The following SUN3 variants were observed in gnomAD, a reference collection of about 807,000 sequenced individuals.
SUN3 encodes SUN domain-containing protein 3.
Under a neutral mutation model 48.2 loss-of-function variants are expected in SUN3, and 36 were observed. The observed-to-expected ratio is 0.75, with a 90% CI of 0.57 to 0.99. SUN3 has a LOEUF of 0.99. SUN3 is among the 50% of genes least tolerant of loss of function. The pLI, the probability that SUN3 is intolerant of heterozygous loss-of-function variation, is 0.00. For synonymous variants in SUN3, 148 were observed against 147.9 expected (o/e 1.00, Z 0.00); for missense variants, 419 against 433.1 (o/e 0.97, Z 0.29).
At chr7:48,008,616 G>A (rs1487249182) in intron 4 of SUN3, among the ~76,000 whole-genome samples, 1 of 152,162 alleles carries the variant, frequency 6.6e-6, no homozygotes, top group Non-Finnish European at 1.5e-5. Context: ...AAAAGGACAA[G>A]TAATTTTCTA....
chr7:48,002,325 A>AT (rs1789405644), intron 6 of SUN3, among the ~76,000 whole-genome samples: 1 of 143,730 alleles, frequency 7.0e-6, no homozygotes, highest in South Asian at 2.1e-4. Flanking sequence ...CGCCCGGCTA[A>AT]TTTTTTGTAT....
intron 6 of SUN3, among the ~76,000 whole-genome samples, chr7:48,000,736 T>G (rs1583753412): frequency 2.0e-5 from 1 of 49,072 alleles, no homozygotes; most frequent in South Asian, 7.0e-4. Context: ...TAATGTGTAG[T>G]TTTTTTTTAG....
At chr7:47,988,967 T>G in intron 8 of SUN3, 87 bp from the exon 9 acceptor site, 1 of 761,884 alleles carries the variant, frequency 1.3e-6, no homozygotes, top group Non-Finnish European at 2.2e-6. Flanking sequence ...CAAATATCTC[T>G]GTGTGTCCAC....
chr7:48,022,290 G>A (rs1421885426), intron 2 of SUN3, among the ~76,000 whole-genome samples: 1 of 152,112 alleles, frequency 6.6e-6, no homozygotes, highest in African/African-American at 2.4e-5. Context: ...GTCGAAGATG[G>A]AGGAGGTGAG....
In SUN3 at chr7:47,987,394, C is replaced by G. The variant is rs777407650; in HGVS notation, c.1010G>C (p.Gly337Ala). The change falls in exon 10 of 10, where the codon GGA becomes GCA. Residue 337 changes from glycine to alanine, a missense_variant. Transcript: ENST00000297325. ...ATATAAACAAGTATACTTCGGGTGT[C>G]CCCAGTTGCTAAAGATATTAAGTTT... The part of the protein sequence containing the change: ...CVKLNIFSNW[G>A]HPKYTCLYRF... 1.2e-6 allele frequency: 2 copies of G among 1,607,516 alleles called. No individual in the cohort carries two copies. The highest frequency in any genetic ancestry group is 1.7e-6 in the Non-Finnish European group (2 of 1,176,948).
In SUN3 at chr7:47,996,011, G is replaced by C; in HGVS notation, c.693+20C>G. 2 of 1,354,300 alleles carry C rather than the reference G, an allele frequency of 1.5e-6. No homozygotes were observed. The highest frequency in any genetic ancestry group is 1.3e-5 in the South Asian group (1 of 74,546). 83.9% of individuals were successfully genotyped at this position (1,354,300 alleles called of 1,614,324 possible). On this transcript the variant is annotated intron_variant, in intron 7 of 9. Transcript: ENST00000297325. ...ACAAAATTCTAAAATAGAAATAAGT[G>C]ATTCTTAATTTAGCTTTACCTGAAG... is the stretch of plus-strand genomic sequence containing the variant.
upstream of SUN3, among the ~76,000 whole-genome samples, chr7:48,031,832 G>GCGCA (rs1554297882): frequency 2.8e-5 from 4 of 142,372 alleles, no homozygotes; most frequent in African/African-American, 7.9e-5. Context: ...TGTGATTTAT[G>GCGCA]CACACACACA....
the SUN3 span, among the ~76,000 whole-genome samples, chr7:48,034,895 T>C: frequency 6.6e-6 from 1 of 152,090 alleles, no homozygotes; most frequent in Non-Finnish European, 1.5e-5. Flanking sequence ...AAATAAGATA[T>C]AAGGAAGAAT....
intron 4 of SUN3, among the ~76,000 whole-genome samples, 190 bp from the exon 5 acceptor site, chr7:48,007,517 T>A (rs1156831337): frequency 6.6e-6 from 1 of 151,876 alleles, no homozygotes; most frequent in Non-Finnish European, 1.5e-5. Flanking sequence ...AACAAGGACA[T>A]CCAGGGGTCA....
chr7:48,009,127 G>A lies in SUN3; in HGVS notation c.289-52C>T, dbSNP rs183754104. ...ATTCTGAATTCTGCTTATTCAAATA[G>A]AGTCTTTTTTTTTTCTCAGAAAAGG... On this transcript the variant is annotated intron_variant, in intron 3 of 9. Transcript: ENST00000297325. The A allele has an allele frequency of 4.2e-3, 6,460 of 1,547,850 alleles. 20 individuals carry two copies. Among genetic ancestry groups the A allele is most frequent in the Middle Eastern group, 8.1e-3 (46 of 5,648 alleles).
At chr7:48,001,530 TG>T (rs1371040578) in intron 6 of SUN3, among the ~76,000 whole-genome samples, 1,701 of 119,368 alleles carry the variant, frequency 0.014, 152 homozygotes, top group African/African-American at 0.048. Flanking sequence ...CTGTTTTTTT[TG>T]TTTTTTTTTT....
In SUN3 at chr7:47,997,968, C is replaced by T. The variant is rs113373213; in HGVS notation, c.578-1822G>A. On this transcript the variant is annotated intron_variant, in intron 6 of 9. Transcript: ENST00000297325. ...TGATATTCCACTGTATGAATGCATC[C>T]GTTAGTCTTTGTTGATGGACATGGG... is the stretch of plus-strand genomic sequence containing the variant. Among the ~76,000 whole-genome samples the T allele has an allele frequency of 3.0e-3, 457 of 152,236 alleles. 6 individuals are homozygous for T. Among genetic ancestry groups the T allele is most frequent in the African/African-American group, 0.01 (425 of 41,534 alleles).
intron 3 of SUN3, among the ~76,000 whole-genome samples, chr7:48,014,255 G>C (rs1264422127): frequency 6.6e-6 from 1 of 152,176 alleles, no homozygotes; most frequent in African/African-American, 2.4e-5. Context: ...ATTTTTAAAG[G>C]GTTGAATTTG....
intron 8 of SUN3, among the ~76,000 whole-genome samples, chr7:47,992,953 C>A (rs1468913662): frequency 6.6e-6 from 1 of 151,936 alleles, no homozygotes; most frequent in East Asian, 1.9e-4. Flanking sequence ...GAGTTTGAGA[C>A]CAGCCTGGGC....
upstream of SUN3, among the ~76,000 whole-genome samples, chr7:48,029,367 G>A (rs1790223011): frequency 6.6e-6 from 1 of 152,142 alleles, no homozygotes; most frequent in Non-Finnish European, 1.5e-5. Flanking sequence ...AAGTATCCCT[G>A]AATCTCAGCA....
rs368900181 is a variant in SUN3, at chr7:47,994,362, A to G, written c.814T>C (p.Ser272Pro). 73 of 1,613,718 alleles carry G rather than the reference A, an allele frequency of 4.5e-5. No homozygotes were observed. Among genetic ancestry groups the G allele is most frequent in the Middle Eastern group, 1.6e-4 (1 of 6,076 alleles). Reference sequence around the variant, plus strand: ...GCACTGGAGATGTTTCCTGACGGAGACACCTTCTCTGAGATGTGCTCCATG... The same window carrying G: ...GCACTGGAGATGTTTCCTGACGGAGGCACCTTCTCTGAGATGTGCTCCATG... ...VTMEHISEKV[S>P]PSGNISSAPK... The change falls in exon 8 of 10, where the codon TCT becomes CCT. Residue 272 changes from serine to proline, a missense_variant. By Grantham distance (74) the Ser-to-Pro change is moderately conservative (BLOSUM62 -1). Coordinates refer to ENST00000297325, the MANE Select transcript of SUN3 (RefSeq NM_001030019.2).
chr7:48,009,124 A>G, intron 3 of SUN3, 49 bp from the exon 4 acceptor site: 1 of 1,557,960 alleles, frequency 6.4e-7, no homozygotes, highest in Non-Finnish European at 8.7e-7. Flanking sequence ...GCTTATTCAA[A>G]TAGAGTCTTT....
intron 6 of SUN3, among the ~76,000 whole-genome samples, chr7:47,999,509 T>A (rs565365438): frequency 5.4e-4 from 82 of 152,270 alleles, no homozygotes; most frequent in Middle Eastern, 3.4e-3. Context: ...TGCCTTTTTT[T>A]AAATATTAGT....
chr7:48,028,412 T>G (rs1369209742), intron 1 of SUN3, among the ~76,000 whole-genome samples: 1 of 140,928 alleles, frequency 7.1e-6, no homozygotes, highest in African/African-American at 2.8e-5. Flanking sequence ...TGCCACTCTG[T>G]GCCCAGAGTC....
Sources: allele counts gnomAD v4.1 joint callset (sites outside exome capture counted in the v4.1 genomes callset), GRCh38; gene constraint gnomAD v4.1.1; transcripts MANE v1.5; gene names NCBI Gene and HGNC (gene_info 2026-07-23, HGNC 2026-07-21).